The following RTL1 variants were observed in gnomAD, a reference collection of about 807,000 sequenced individuals.
RTL1 encodes the protein retrotransposon-like protein 1.
For synonymous variants in RTL1, 727 were observed against 748.4 expected (o/e 0.97, Z 0.47); for missense variants, 1,681 against 1,767.5 (o/e 0.95, Z 0.88).
At chr14:100,885,580 G>A (rs1465192725) in intron 3 of RTL1, among the ~76,000 whole-genome samples, 2 of 148,262 alleles carry the variant, frequency 1.3e-5, no homozygotes, top group South Asian at 2.1e-4. Context: ...CTGGATAACT[G>A]CATATTTGTT....
At chr14:100,895,538 G>A (rs2038843955) in intron 2 of RTL1, among the ~76,000 whole-genome samples, 1 of 152,168 alleles carries the variant, frequency 6.6e-6, no homozygotes, top group African/African-American at 2.4e-5. Context: ...CCTTTTGCAA[G>A]CTCTTCTCAT....
chr14:100,890,074 GAAAAAAAA>G (rs55688942), intron 3 of RTL1, among the ~76,000 whole-genome samples: 1 of 123,868 alleles, frequency 8.1e-6, no homozygotes, highest in South Asian at 2.7e-4. Context: ...CGCCTTATTT[GAAAAAAAA>G]AAAAAAAAAA....
In RTL1 at chr14:100,883,423, G is replaced by T; in HGVS notation, c.1366C>A (p.Pro456Thr). 6.4e-7 allele frequency: 1 copy of T among 1,550,410 alleles called. No individual in the cohort carries two copies. Among genetic ancestry groups the T allele is most frequent in the Non-Finnish European group, 8.7e-7 (1 of 1,146,178 alleles). ...HYVELYEKPY[P>T]QPVQSVDGSL... Reference sequence around the variant, plus strand: ...CCGTCCACGGATTGGACCGGCTGTGGGTACGGCTTCTCGTAGAGCTCGACG... The same window carrying T: ...CCGTCCACGGATTGGACCGGCTGTGTGTACGGCTTCTCGTAGAGCTCGACG... The change falls in exon 4 of 4, where the codon CCA (proline) becomes ACA (threonine). Residue 456 changes from proline to threonine, a missense_variant. Transcript: ENST00000649591. The surrounding 1 kb of genome is among the most constrained non-coding windows in gnomAD (Gnocchi z 5.9).
At chr14:100,897,581 T>C (rs1235871135) in intron 2 of RTL1, 1 of 153,052 alleles carries the variant, frequency 6.5e-6, no homozygotes, top group Non-Finnish European at 1.5e-5. Context: ...TAGTGTACAT[T>C]TCCTCTCGCA....
rs35401447 is a variant in RTL1 at position 100,884,333 on chromosome 14, C to CTCT, written c.453_455dup (p.Glu152dup). The stretch of plus-strand genomic sequence containing the variant: ...CGGTTGAGTGCTCGGTCTGGTTTTG[C>CTCT]TCTTGAGGAGTCTCCTCCCTTCCCG... On this transcript the variant is annotated inframe_insertion, in exon 4 of 4. Transcript: ENST00000649591. The CTCT allele has an allele frequency of 0.26, 405,252 of 1,552,486 alleles. 56,917 individuals are homozygous for CTCT. The highest frequency in any genetic ancestry group is 0.32 in the Middle Eastern group (1,895 of 5,990).
Position 100,880,868 on chromosome 14 carries a change from G to A in RTL1, c.3921C>T (p.His1307=), listed in dbSNP as rs1229074938. The change falls in exon 4 of 4, where the codon CAC becomes CAT. Residue 1307 remains histidine (H), a synonymous_variant. Coordinates refer to ENST00000649591, the MANE Select transcript of RTL1 (RefSeq NM_001134888.3). ...LHIHSADGQL[H]LLSREQAARA... ...TGGCTGCCTGCTCCCGGCTGAGCAG[G>A]TGCAGCTGGCCATCTGCACTGTGGA... is the stretch of plus-strand genomic sequence containing the variant. The A allele has an allele frequency of 1.9e-6, 3 of 1,550,194 alleles. No individual in the cohort carries two copies.
chr14:100,886,090 T>C (rs2038694291), intron 3 of RTL1, among the ~76,000 whole-genome samples: 1 of 152,132 alleles, frequency 6.6e-6, no homozygotes, highest in Non-Finnish European at 1.5e-5. Context: ...ACATTTCTTC[T>C]CTGCTGGGGC....
chr14:100,897,970 G>T (rs2038892161), intron 2 of RTL1: 1 of 516,070 alleles, frequency 1.9e-6, no homozygotes, highest in Admixed American at 1.9e-5. Flanking sequence ...GATTAATCCA[G>T]TTCTGCACAA....
intron 3 of RTL1, among the ~76,000 whole-genome samples, chr14:100,885,958 G>A (rs1193443679): frequency 3.9e-5 from 6 of 152,128 alleles, no homozygotes; most frequent in Non-Finnish European, 5.9e-5. Context: ...GGGGGTTGGG[G>A]GGAACATGTG....
At chr14:100,897,742 C>G (rs1441225304) in intron 2 of RTL1, 2 of 96,372 alleles carry the variant, frequency 2.1e-5, no homozygotes, top group African/African-American at 5.3e-4. Flanking sequence ...GGTCCTTTAC[C>G]CTGGTTGGCG....
rs1333322387 is a variant in RTL1 at position 100,884,630 on chromosome 14, C to T, written c.159G>A (p.Gln53=). 2 of 1,613,588 alleles carry T rather than the reference C, an allele frequency of 1.2e-6. No individual in the cohort carries two copies. The highest frequency in any genetic ancestry group is 1.7e-5 in the Admixed American group (1 of 59,992). Reference sequence around the variant, plus strand: ...GGCCACTGGGGGGCTCCTTCTTTTCCTGGGCTGGGCCGCTGGCTGGCCCTG... The same window carrying T: ...GGCCACTGGGGGGCTCCTTCTTTTCTTGGGCTGGGCCGCTGGCTGGCCCTG... ...GEAGPASGPA[Q]EKKEPPSGPL... is the part of the protein sequence containing the mutation. Residue 53 remains glutamine, a synonymous_variant, in exon 4 of 4, where the codon CAG becomes CAA. Coordinates refer to ENST00000649591, the MANE Select transcript of RTL1 (RefSeq NM_001134888.3).
At chr14:100,885,263 C>T (rs1298244326) in intron 3 of RTL1, among the ~76,000 whole-genome samples, 1 of 152,238 alleles carries the variant, frequency 6.6e-6, no homozygotes, top group African/African-American at 2.4e-5. Context: ...CTGCTTTGGT[C>T]ACCTGAGAAT....
Position 100,882,264 on chromosome 14 carries a change from T to A in RTL1, c.2525A>T (p.Gln842Leu), listed in dbSNP as rs1339829394. Residue 842 changes from glutamine (Q) to leucine (L), a missense_variant, in exon 4 of 4, where the codon CAG (glutamine) becomes CTG (leucine). By Grantham distance (113) the Gln-to-Leu change is moderately radical. Transcript: ENST00000649591. Reference protein sequence around the residue: ...PLVRQLLSSYQFYWGVEEQEA... With the variant: ...PLVRQLLSSYLFYWGVEEQEA... ...TTGCTCCTCGACTCCCCAGTAGAAC[T>A]GGTAGGAGCTCAGCAGCTGCCGCAC... 1 of 1,551,420 alleles carries A rather than the reference T, an allele frequency of 6.4e-7. No homozygotes were observed. Among genetic ancestry groups the A allele is most frequent in the African/African-American group, 1.4e-5 (1 of 73,042 alleles).
chr14:100,883,759 G>T lies in RTL1; in HGVS notation c.1030C>A (p.Pro344Thr). 2 of 1,551,664 alleles carry T rather than the reference G, an allele frequency of 1.3e-6. No individual in the cohort carries two copies. The highest frequency in any genetic ancestry group is 1.7e-6 in the Non-Finnish European group (2 of 1,146,990). Residue 344 changes from proline (P) to threonine (T), a missense_variant, in exon 4 of 4, where the codon CCG becomes ACG. Coordinates refer to ENST00000649591, the MANE Select transcript of RTL1 (RefSeq NM_001134888.3). The surrounding 1 kb of genome is among the most constrained non-coding windows in gnomAD (Gnocchi z 5.9). ...ACAATCAGACTGTCTAGGGAATCCGGCTGAGGGACCCGGAATAGATAGTGC... is the reference window on the plus strand; with the variant it reads ...ACAATCAGACTGTCTAGGGAATCCGTCTGAGGGACCCGGAATAGATAGTGC... ...IRHYLFRVPQ[P>T]DSLDSLIVLI...
chr14:100,902,051 C>T (rs1000583179), intron 2 of RTL1, among the ~76,000 whole-genome samples: 2 of 152,292 alleles, frequency 1.3e-5, no homozygotes, highest in Non-Finnish European at 2.9e-5. Context: ...GGCAGGAAAC[C>T]GTGCTGCAGC....
At chr14:100,887,639 A>C (rs1269061540) in intron 3 of RTL1, among the ~76,000 whole-genome samples, 1 of 136,026 alleles carries the variant, frequency 7.4e-6, no homozygotes, top group African/African-American at 2.5e-5. Flanking sequence ...CCGTAATCCT[A>C]GCTACTTCTC....
intron 2 of RTL1, among the ~76,000 whole-genome samples, chr14:100,896,081 A>AG (rs892465442): frequency 1.3e-5 from 2 of 151,930 alleles, no homozygotes; most frequent in Admixed American, 6.5e-5. Flanking sequence ...AAAAAAAAAA[A>AG]AAAGAAAGAA....
At position 100,881,024 on chromosome 14, in the gene RTL1, G is replaced by A; in HGVS notation, c.3765C>T (p.Thr1255=). 1 of 1,595,326 alleles carries A rather than the reference G, an allele frequency of 6.3e-7. No homozygotes were observed. Among genetic ancestry groups the A allele is most frequent in the Non-Finnish European group, 8.5e-7 (1 of 1,171,116 alleles). The change falls in exon 4 of 4, where the codon ACC becomes ACT. Residue 1255 remains threonine, a synonymous_variant. Transcript: ENST00000649591. This position sits in a 1 kb window ranked among gnomAD's most constrained non-coding sequence, Gnocchi z 6.6. Reference sequence around the variant, plus strand: ...CGTCGTTGTCCTGCTTGTCCTGCGAGGTGTCTTGCAGGCCGTCATGCAGGC... The same window carrying A: ...CGTCGTTGTCCTGCTTGTCCTGCGAAGTGTCTTGCAGGCCGTCATGCAGGC... ...QCGLHDGLQD[T]SQDKQDNDVQ...
intron 3 of RTL1, among the ~76,000 whole-genome samples, chr14:100,890,923 T>C (rs1028871875): frequency 1.3e-5 from 2 of 152,128 alleles, no homozygotes; most frequent in Non-Finnish European, 2.9e-5. Context: ...ATTATTATTA[T>C]TATTTATTTT....
Sources: gnomAD v4.1 joint callset for allele counts (sites outside exome capture counted in the v4.1 genomes callset) on GRCh38, gnomAD v4.1.1 for gene constraint, Gnocchi (gnomAD v3.1) non-coding constraint, MANE v1.5 for transcripts, NCBI Gene and HGNC (gene_info 2026-07-23, HGNC 2026-07-21) for gene names.